Variants in PCDH19 observed in about 807,000 individuals in gnomAD.
PCDH19 encodes protocadherin 19.
In PCDH19, 6 loss-of-function variants were observed where a neutral mutation model predicts 46.2. The observed-to-expected ratio is 0.13, with a 90% CI of 0.07 to 0.26. PCDH19 has a LOEUF of 0.26. Ranked by LOEUF, PCDH19 falls within the 10% of genes least tolerant of loss-of-function variation. The probability of loss-of-function intolerance (pLI) is 1.00; values close to 1 mark genes in which losing one functional copy is unlikely to be tolerated. For synonymous variants in PCDH19, 481 were observed against 415.7 expected (o/e 1.16, Z -1.91); for missense variants, 740 against 972.3 (o/e 0.76, Z 3.18).
At chrX:100,324,768 G>A (rs1241745464) in intron 5 of PCDH19, among the ~76,000 whole-genome samples, 2 of 111,230 alleles carry the variant, frequency 1.8e-5, no homozygotes, top group Non-Finnish European at 3.8e-5. Flanking sequence ...GGAACCCAGG[G>A]AGAATGTTTC....
At chrX:100,304,995 A>G (rs748557767) in intron 5 of PCDH19, among the ~76,000 whole-genome samples, 4 of 112,653 alleles carry the variant, frequency 3.6e-5, no homozygotes, top group Non-Finnish European at 5.6e-5. Flanking sequence ...GTTGGAAAAC[A>G]CATCTGAGGG....
intron 1 of PCDH19, 63 bp downstream of exon 1, chrX:100,406,386 TCA>T (rs1333902506): frequency 2.0e-5 from 18 of 902,232 alleles, no homozygotes; most frequent in African/African-American, 1.4e-4. Context: ...ACCAGGATTT[TCA>T]CACAGAGACA....
Position 100,296,611 on chromosome X carries a change from G to T in PCDH19, c.3113C>A (p.Thr1038Asn). ...EERPTLKGKR[T>N]VDVTICSPKV... The stretch of plus-strand genomic sequence containing the variant: ...GGGGCTGCAGATGGTCACATCGACA[G>T]TCCTCTTGCCTTTCAGGGTAGGCCT... Residue 1038 changes from threonine to asparagine, a missense_variant, in exon 6 of 6, where the codon ACT becomes AAT. By Grantham distance (65) the Thr-to-Asn change is moderately conservative. Transcript: ENST00000373034. The T allele has an allele frequency of 8.3e-7, 1 of 1,211,732 alleles. No individual in the cohort carries two copies. Among genetic ancestry groups the T allele is most frequent in the East Asian group, 3.0e-5 (1 of 33,839 alleles).
chrX:100,334,333 T>C (rs1467075117), intron 5 of PCDH19, among the ~76,000 whole-genome samples: 1 of 111,807 alleles, frequency 8.9e-6, no homozygotes, highest in Non-Finnish European at 1.9e-5. Context: ...AGGTTAGATA[T>C]ACTGTTTTGC....
chrX:100,325,484 C>T (rs1202192251), intron 5 of PCDH19, among the ~76,000 whole-genome samples: 1 of 109,048 alleles, frequency 9.2e-6, no homozygotes, highest in East Asian at 2.9e-4. Flanking sequence ...ATTCTCCTGC[C>T]TCAGCCTCCC....
intron 5 of PCDH19, among the ~76,000 whole-genome samples, chrX:100,307,224 G>C (rs1266219379): frequency 8.9e-6 from 1 of 111,782 alleles, no homozygotes; most frequent in East Asian, 2.8e-4. Flanking sequence ...TTTCATACCA[G>C]GCATGCAGGG....
At chrX:100,368,264 C>A (rs1246279615) in intron 3 of PCDH19, among the ~76,000 whole-genome samples, 1 of 111,249 alleles carries the variant, frequency 9.0e-6, no homozygotes, top group East Asian at 2.8e-4. Context: ...ACAAGTCAAC[C>A]CTAGCTTGGA....
intron 3 of PCDH19, among the ~76,000 whole-genome samples, chrX:100,392,499 G>A (rs1008530594): frequency 1.8e-5 from 2 of 112,093 alleles, no homozygotes; most frequent in African/African-American, 6.5e-5. Flanking sequence ...TATTTAGTAC[G>A]AATGCCACTG....
intron 1 of PCDH19, among the ~76,000 whole-genome samples, chrX:100,404,643 T>TCC (rs1928292757): frequency 9.3e-6 from 1 of 108,042 alleles, no homozygotes; most frequent in Admixed American, 1.0e-4. Context: ...TCAGATGCTC[T>TCC]CCTCCTGTTT....
intron 3 of PCDH19, among the ~76,000 whole-genome samples, chrX:100,383,990 A>G (rs777470514): frequency 3.0e-4 from 34 of 112,001 alleles, no homozygotes; most frequent in Non-Finnish European, 6.4e-4. Context: ...TAAACAATAA[A>G]TGGTACAAAC....
In PCDH19 at chrX:100,408,592, C is replaced by T. The variant is rs184883626; in HGVS notation, c.6G>A (p.Glu2=). M[E]SLLLPVLLLL... Reference sequence around the variant, plus strand: ...GCAGCAGCACCGGCAGCAGGAGCGACTCCATGGCTGCACGGGGCTCTGCCT... The same window carrying T: ...GCAGCAGCACCGGCAGCAGGAGCGATTCCATGGCTGCACGGGGCTCTGCCT... The change falls in exon 1 of 6, where the codon GAG becomes GAA. Residue 2 remains glutamate, a synonymous_variant. Transcript: ENST00000373034. 7,379 of 1,162,569 alleles carry T rather than the reference C, an allele frequency of 6.3e-3. 413 individuals are homozygous for T. In the Admixed American group the frequency reaches 0.15, roughly 23 times the overall value.
chrX:100,393,678 C>T (rs760278930), intron 3 of PCDH19, among the ~76,000 whole-genome samples: 1 of 111,274 alleles, frequency 9.0e-6, no homozygotes, highest in Non-Finnish European at 1.9e-5. Context: ...GATTTGGGAG[C>T]GAAAATAATC....
chrX:100,384,788 A>G (rs1927661044), intron 3 of PCDH19, among the ~76,000 whole-genome samples: 1 of 111,743 alleles, frequency 8.9e-6, no homozygotes, highest in African/African-American at 3.3e-5. Flanking sequence ...TAAAAGTGGA[A>G]TTGCTGGGTC....
At chrX:100,379,601 G>A (rs148293883) in intron 3 of PCDH19, among the ~76,000 whole-genome samples, 5,739 of 111,377 alleles carry the variant, frequency 0.052, 349 homozygotes, top group African/African-American at 0.18. Context: ...CAGACAGAAC[G>A]TCACAGAAAA....
At chrX:100,403,431 G>C in intron 2 of PCDH19, 93 bp downstream of exon 2, 1 of 906,201 alleles carries the variant, frequency 1.1e-6, no homozygotes, top group Non-Finnish European at 1.6e-6. Context: ...CCCTGCCCTA[G>C]CCCGGTTCCC....
chrX:100,304,738 C>T (rs1403601127), intron 5 of PCDH19, among the ~76,000 whole-genome samples: 1 of 112,171 alleles, frequency 8.9e-6, no homozygotes, highest in East Asian at 2.8e-4. Context: ...ACAATCACAA[C>T]TTCTGGAAAT....
intron 4 of PCDH19, among the ~76,000 whole-genome samples, chrX:100,348,505 C>A (rs1456899374): frequency 9.0e-6 from 1 of 111,546 alleles, no homozygotes; most frequent in African/African-American, 3.3e-5. Context: ...GTAAACAGAA[C>A]CCTGGCAAAA....
intron 3 of PCDH19, among the ~76,000 whole-genome samples, chrX:100,402,055 G>A (rs1481325130): frequency 8.9e-6 from 1 of 112,180 alleles, no homozygotes; most frequent in Non-Finnish European, 1.9e-5. Context: ...AAATGCTAGA[G>A]AACAGTGATG....
In PCDH19 at chrX:100,320,772, CTT is replaced by C. The variant is rs1173899868; in HGVS notation, c.2848+21129_2848+21130del. Among the ~76,000 whole-genome samples, 189 of 95,438 alleles carry C rather than the reference CTT, an allele frequency of 2.0e-3. 1 individual carries two copies. Among genetic ancestry groups the C allele is most frequent in the African/African-American group, 6.6e-3 (175 of 26,451 alleles). 82.9% of individuals were successfully genotyped at this position (95,438 alleles called of 115,157 possible). On this transcript the variant is annotated intron_variant, in intron 5 of 5. Transcript: ENST00000373034. ...CAGCATTTTTTTGAAAGAAAAAGTT[CTT>C]TTTTTTTTTTTTAACCTTTTTTTTT...
Sources: allele counts gnomAD v4.1 joint callset (sites outside exome capture counted in the v4.1 genomes callset), GRCh38; gene constraint gnomAD v4.1.1; transcripts MANE v1.5; gene names NCBI Gene and HGNC (gene_info 2026-07-23, HGNC 2026-07-21).